ZFAND3: variants seen among roughly 807,000 people sequenced by gnomAD.
ZFAND3 encodes the protein AN1-type zinc finger protein 3.
ZFAND3 carries 10 observed loss-of-function variants against 29.6 expected under a neutral mutation model. That is an observed-to-expected ratio of 0.34 (90% confidence interval 0.21 to 0.57). The LOEUF (loss-of-function observed/expected upper bound fraction) is 0.57. ZFAND3 is among the 20% of genes least tolerant of loss of function. The pLI is 0.86. For missense variants in ZFAND3, 230 were observed against 304.5 expected, an observed-to-expected ratio of 0.76 and a Z score of 1.82; for synonymous variants, 128 against 112.6, an observed-to-expected ratio of 1.14 and a Z score of -0.87.
chr6:38,044,726 A>G (rs1001446085), intron 2 of ZFAND3, among the ~76,000 whole-genome samples: 1 of 152,222 alleles, frequency 6.6e-6, no homozygotes. Context: ...TACAGAGCTA[A>G]GCGAAATGGT....
intron 5 of ZFAND3, among the ~76,000 whole-genome samples, chr6:38,128,091 A>G (rs535435876): frequency 7.2e-5 from 11 of 152,332 alleles, no homozygotes; most frequent in Admixed American, 2.0e-4. Context: ...ACCACCAAAT[A>G]AGGCCAGTTA....
At chr6:37,894,472 T>G (rs2127398035) in intron 1 of ZFAND3, among the ~76,000 whole-genome samples, 1 of 152,104 alleles carries the variant, frequency 6.6e-6, no homozygotes. Flanking sequence ...TGGTCTCCAG[T>G]GATCTTCCCA....
chr6:37,980,413 C>G (rs531676115), intron 2 of ZFAND3, among the ~76,000 whole-genome samples: 2 of 152,298 alleles, frequency 1.3e-5, no homozygotes, highest in East Asian at 1.9e-4. Flanking sequence ...GGTAAAATCT[C>G]TCTTGTATCA....
At chr6:38,056,724 T>C (rs1764140526) in intron 2 of ZFAND3, among the ~76,000 whole-genome samples, 1 of 152,228 alleles carries the variant, frequency 6.6e-6, no homozygotes, top group African/African-American at 2.4e-5. Flanking sequence ...GGGTAGCCAG[T>C]CCCTGGGACT....
At chr6:38,103,183 A>G (rs1765127338) in intron 4 of ZFAND3, among the ~76,000 whole-genome samples, 1 of 152,196 alleles carries the variant, frequency 6.6e-6, no homozygotes, top group East Asian at 1.9e-4. Flanking sequence ...TTTAAGGGGA[A>G]CGACAACAGG....
chr6:37,843,876 A>G (rs1042763179), intron 1 of ZFAND3, among the ~76,000 whole-genome samples: 4 of 151,916 alleles, frequency 2.6e-5, no homozygotes, highest in African/African-American at 9.6e-5. Context: ...AAGTTAATAA[A>G]TACTAACAAA....
chr6:38,072,368 C>T (rs1341973532), intron 3 of ZFAND3, among the ~76,000 whole-genome samples: 1 of 152,154 alleles, frequency 6.6e-6, no homozygotes, highest in Non-Finnish European at 1.5e-5. Flanking sequence ...TTACCTCAGT[C>T]ACTTGTGAGA....
At chr6:37,986,974 C>T (rs1276727371) in intron 2 of ZFAND3, among the ~76,000 whole-genome samples, 1 of 152,138 alleles carries the variant, frequency 6.6e-6, no homozygotes, top group African/African-American at 2.4e-5. Flanking sequence ...TTCAGATAGC[C>T]CACAACTTAT....
At chr6:38,081,930 A>G (rs1221685477) in intron 3 of ZFAND3, among the ~76,000 whole-genome samples, 1 of 152,092 alleles carries the variant, frequency 6.6e-6, no homozygotes, top group Non-Finnish European at 1.5e-5. Flanking sequence ...TTGTTTCTTA[A>G]GGCCCCCTCC....
chr6:37,974,674 G>A (rs1343657069), intron 2 of ZFAND3, among the ~76,000 whole-genome samples: 1 of 152,114 alleles, frequency 6.6e-6, no homozygotes, highest in Non-Finnish European at 1.5e-5. Flanking sequence ...GGAATTATAG[G>A]TGTGAGCCAC....
chr6:38,123,546 T>C (rs751566061), intron 5 of ZFAND3, among the ~76,000 whole-genome samples: 16 of 152,226 alleles, frequency 1.1e-4, no homozygotes, highest in Admixed American at 2.0e-4. Flanking sequence ...TCTTTTATTA[T>C]GACCAAAACT....
intron 2 of ZFAND3, among the ~76,000 whole-genome samples, chr6:37,950,379 G>GT (rs1159316821): frequency 0.02 from 2,766 of 137,718 alleles, 21 homozygotes; most frequent in African/African-American, 0.02. Flanking sequence ...TTGTTGACTT[G>GT]TTTTTTTTTT....
intron 1 of ZFAND3, among the ~76,000 whole-genome samples, chr6:37,891,846 A>G (rs1765110899): frequency 6.6e-6 from 1 of 151,874 alleles, no homozygotes; most frequent in African/African-American, 2.4e-5. Context: ...CTCCTATCTC[A>G]GCCTCCCGAG....
intron 1 of ZFAND3, among the ~76,000 whole-genome samples, chr6:37,830,403 T>C (rs1763839036): frequency 6.6e-6 from 1 of 152,078 alleles, no homozygotes; most frequent in Non-Finnish European, 1.5e-5. Context: ...GAAAAGGTGG[T>C]GGTTAGGGTG....
chr6:37,888,053 A>C (rs1029204885), intron 1 of ZFAND3, among the ~76,000 whole-genome samples: 6 of 152,224 alleles, frequency 3.9e-5, no homozygotes, highest in Non-Finnish European at 8.8e-5. Context: ...AAAACAAAAC[A>C]AAACTGTAAG....
intron 1 of ZFAND3, among the ~76,000 whole-genome samples, chr6:37,828,475 TA>T (rs1763798298): frequency 1.3e-5 from 2 of 152,184 alleles, no homozygotes; most frequent in South Asian, 4.1e-4. Flanking sequence ...ATGAGACACA[TA>T]AAGTACATTG....
intron 4 of ZFAND3, among the ~76,000 whole-genome samples, chr6:38,098,784 G>A (rs1363124496): frequency 2.0e-5 from 3 of 152,146 alleles, no homozygotes; most frequent in African/African-American, 7.2e-5. Flanking sequence ...TTACAGGCAT[G>A]AGCCACCGAG....
chr6:38,089,688 C>CA (rs1041191599), intron 4 of ZFAND3, among the ~76,000 whole-genome samples: 33 of 152,302 alleles, frequency 2.2e-4, no homozygotes, highest in African/African-American at 6.7e-4. Flanking sequence ...GTAATACCTA[C>CA]ACTTGTGTGT....
chr6:37,822,244 T>G (rs147319955), intron 1 of ZFAND3, among the ~76,000 whole-genome samples: 42 of 152,366 alleles, frequency 2.8e-4, no homozygotes, highest in Admixed American at 9.1e-4. Context: ...AACCAGGGCT[T>G]CTTTTTAGAT....
Sources: gnomAD v4.1 joint callset for allele counts (sites outside exome capture counted in the v4.1 genomes callset) on GRCh38, gnomAD v4.1.1 for gene constraint, MANE v1.5 for transcripts, NCBI Gene and HGNC (gene_info 2026-07-23, HGNC 2026-07-21) for gene names.